Variants in GGCX observed in about 807,000 individuals in gnomAD.
GGCX encodes the protein vitamin K-dependent gamma-carboxylase.
Under a neutral mutation model 88.5 loss-of-function variants are expected in GGCX, and 63 were observed. The ratio of observed to expected loss-of-function variants is 0.71; its 90% CI spans 0.58 to 0.88. The LOEUF (loss-of-function observed/expected upper bound fraction) is 0.88. GGCX is among the 40% of genes least tolerant of loss of function. The pLI, the probability that GGCX is intolerant of heterozygous loss-of-function variation, is 0.00. For missense variants in GGCX, 805 were observed against 932.9 expected (o/e 0.86, Z 1.79); for synonymous variants, 368 against 365.8 (o/e 1.01, Z -0.07).
intron 7 of GGCX, chr2:85,553,843 C>T (rs1358232907): frequency 4.2e-6 from 2 of 473,620 alleles, no homozygotes; most frequent in Non-Finnish European, 7.7e-6. Context: ...TCAGGTGATC[C>T]ACCCACCTCG....
In GGCX at chr2:85,550,659, A is replaced by G; in HGVS notation, c.1980T>C (p.Leu660=). 6.2e-7 allele frequency: 1 copy of G among 1,613,978 alleles called. No homozygotes were observed. Among genetic ancestry groups the G allele is most frequent in the Non-Finnish European group, 8.5e-7 (1 of 1,179,842 alleles). The change falls in exon 14 of 15, where the codon CTT becomes CTC. Residue 660 remains leucine, a synonymous_variant. Transcript: ENST00000233838. ...PEPTPLVQTF[L]RRQQRLQEIE... ...TCTCCTGGAGCCTTTGTTGGCGTCT[A>G]AGAAAGGTCTGAACCAGAGGTGTTG...
rs1395355837 is a variant in GGCX at position 85,544,749 on chromosome 2, C to T, written c.*5185G>A. ...TTTAACTTTGTTTTATTTTCAAAAC[C>T]AGGTCCAATGAGCTTTCTGAACAGC... On this transcript the variant is annotated 3_prime_UTR_variant, in exon 15 of 15. Coordinates refer to ENST00000233838, the MANE Select transcript of GGCX (RefSeq NM_000821.7). The T allele has an allele frequency of 6.6e-6, 1 of 152,524 alleles. No individual in the cohort carries two copies. Among genetic ancestry groups the T allele is most frequent in the Non-Finnish European group, 1.5e-5 (1 of 68,028 alleles). 9.4% of individuals were successfully genotyped at this position (152,524 alleles called of 1,614,324 possible).
chr2:85,556,944 G>A (rs1480537153), intron 4 of GGCX, among the ~76,000 whole-genome samples: 2 of 152,156 alleles, frequency 1.3e-5, no homozygotes, highest in African/African-American at 4.8e-5. Flanking sequence ...TTCTTCACTC[G>A]TCAATAATAC....
intron 2 of GGCX, 100 bp downstream of exon 2, chr2:85,560,715 G>T: frequency 1.1e-6 from 1 of 928,142 alleles, no homozygotes; most frequent in African/African-American, 1.6e-5. Context: ...AATGTCTTCA[G>T]CTCTGAGGAA....
At chr2:85,556,295 T>C in intron 4 of GGCX, 35 bp from the exon 5 acceptor site, 3 of 1,303,516 alleles carry the variant, frequency 2.3e-6, no homozygotes, top group Non-Finnish European at 3.3e-6. Context: ...AGGGGGGAGC[T>C]GCTTAATGCA....
In GGCX at chr2:85,560,985, T is replaced by A; in HGVS notation, c.44A>T (p.Asp15Val). The A allele has an allele frequency of 6.2e-7, 1 of 1,612,286 alleles. No homozygotes were observed. Among genetic ancestry groups the A allele is most frequent in the Non-Finnish European group, 8.5e-7 (1 of 1,178,278 alleles). Residue 15 changes from aspartate to valine, a missense_variant and splice_region_variant, in exon 2 of 15, where the codon GAT becomes GTT. By Grantham distance (152) the Asp-to-Val change is radical. Coordinates refer to ENST00000233838, the MANE Select transcript of GGCX (RefSeq NM_000821.7). ...TTCAGCCTTGTCTTTCTGTACTTTA[T>A]CTGCAATCAATAAATGGAGAAAATA... ...AGSARTSPSS[D>V]KVQKDKAELI...
At position 85,547,830 on chromosome 2, in the gene GGCX, C is replaced by T. The variant is rs1014757087; in HGVS notation, c.*2104G>A. 2 of 152,230 alleles carry T rather than the reference C, an allele frequency of 1.3e-5. No homozygotes were observed. Among genetic ancestry groups the T allele is most frequent in the Non-Finnish European group, 2.9e-5 (2 of 68,062 alleles). 9.4% of individuals were successfully genotyped at this position (152,230 alleles called of 1,614,324 possible). A position where few individuals can be genotyped will look rare whatever the true frequency, so the allele number is the denominator to read the frequency against. On this transcript the variant is annotated 3_prime_UTR_variant, in exon 15 of 15. Coordinates refer to ENST00000233838, the MANE Select transcript of GGCX (RefSeq NM_000821.7). Reference sequence around the variant, plus strand: ...GGGTGGCAATCTGCTTGACAACTAACATGTCGGCCCTGTCCTGGTCTATCC... The same window carrying T: ...GGGTGGCAATCTGCTTGACAACTAATATGTCGGCCCTGTCCTGGTCTATCC...
intron 1 of GGCX, 77 bp from the exon 2 acceptor site, chr2:85,561,062 G>T: frequency 7.9e-7 from 1 of 1,258,898 alleles, no homozygotes; most frequent in Non-Finnish European, 1.2e-6. Flanking sequence ...TGCACCAACA[G>T]CTCAGAGCTT....
In GGCX at chr2:85,546,097, C is replaced by T. The variant is rs1691648519; in HGVS notation, c.*3837G>A. ...AGAGCCAAGGAGTGCTTGCTTATGC[C>T]TGTTTGCATGGAGACTTAAAAACTT... On this transcript the variant is annotated 3_prime_UTR_variant, in exon 15 of 15. Transcript: ENST00000233838. 1 of 152,284 alleles carries T rather than the reference C, an allele frequency of 6.6e-6. No individual in the cohort carries two copies. Among genetic ancestry groups the T allele is most frequent in the East Asian group, 1.9e-4 (1 of 5,186 alleles). 9.4% of individuals were successfully genotyped at this position (152,284 alleles called of 1,614,324 possible).
At chr2:85,559,576 G>T (rs1692346669) in intron 2 of GGCX, among the ~76,000 whole-genome samples, 1 of 152,126 alleles carries the variant, frequency 6.6e-6, no homozygotes, top group African/African-American at 2.4e-5. Context: ...TTAGCCAGGT[G>T]TGGTGGCGCA....
chr2:85,550,933 T>C lies in GGCX; in HGVS notation c.1880A>G (p.Asn627Ser), dbSNP rs1691917572. The change falls in exon 13 of 15, where the codon AAT becomes AGT. Residue 627 changes from asparagine to serine, a missense_variant. Around this residue, in one of 3 missense-constraint regions of GGCX, gnomAD observed 680 missense variants for 763.7 expected, o/e 0.89. Coordinates refer to ENST00000233838, the MANE Select transcript of GGCX (RefSeq NM_000821.7). ...YLQELKEKVENGSETGPLPPE... is the reference protein window; with the variant it reads ...YLQELKEKVESGSETGPLPPE... Reference sequence around the variant, plus strand: ...AATGTTCATACACTCACCACTTCCATTCTCCACCTTTTCCTTTAATTCTTG... The same window carrying C: ...AATGTTCATACACTCACCACTTCCACTCTCCACCTTTTCCTTTAATTCTTG... 2 of 1,614,160 alleles carry C rather than the reference T, an allele frequency of 1.2e-6. No individual in the cohort carries two copies. The highest frequency in any genetic ancestry group is 1.7e-6 in the Non-Finnish European group (2 of 1,179,990).
In GGCX at chr2:85,558,493, A is replaced by G; in HGVS notation, c.486T>C (p.Tyr162=). 1 of 1,613,588 alleles carries G rather than the reference A, an allele frequency of 6.2e-7. No individual in the cohort carries two copies. The highest frequency in any genetic ancestry group is 1.3e-5 in the African/African-American group (1 of 75,034). Residue 162 remains tyrosine, a synonymous_variant, in exon 4 of 15, where the codon TAT becomes TAC. Coordinates refer to ENST00000233838, the MANE Select transcript of GGCX (RefSeq NM_000821.7). The stretch of plus-strand genomic sequence containing the variant: ...GCTGAAAGGCCAACAACCCATACAG[A>G]TAGGAGTGGTTGTTCCATGATGTCT... The part of the protein sequence containing the change: ...LDKTSWNNHS[Y]LYGLLAFQLT...
At chr2:85,556,990 G>T (rs1302466518) in intron 4 of GGCX, among the ~76,000 whole-genome samples, 2 of 152,092 alleles carry the variant, frequency 1.3e-5, no homozygotes, top group East Asian at 3.8e-4. Context: ...AACAGGCCAG[G>T]CTCAGTAGTT....
chr2:85,558,410 C>G lies in GGCX; in HGVS notation c.539+30G>C. 3 of 1,600,578 alleles carry G rather than the reference C, an allele frequency of 1.9e-6. No homozygotes were observed. In the Admixed American group the frequency reaches 5.0e-5, roughly 27 times the overall value. On this transcript the variant is annotated intron_variant, in intron 4 of 14. Transcript: ENST00000233838. ...CTGATAACCATCCTGACCCAGCCAACCCCTCCCCTTTGTCCCCCCTGACTC... is the reference window on the plus strand; with the variant it reads ...CTGATAACCATCCTGACCCAGCCAAGCCCTCCCCTTTGTCCCCCCTGACTC...
Position 85,554,367 on chromosome 2 carries a change from C to T in GGCX, c.726-61G>A, listed in dbSNP as rs372744883. ...ACTGGAGAACACATCAAAGCACATTCACAGCACGAATGTGCCTTGGCTACT... is the reference window on the plus strand; with the variant it reads ...ACTGGAGAACACATCAAAGCACATTTACAGCACGAATGTGCCTTGGCTACT... On this transcript the variant is annotated intron_variant, in intron 6 of 14. Transcript: ENST00000233838. 140 of 1,508,284 alleles carry T rather than the reference C, an allele frequency of 9.3e-5. No individual in the cohort carries two copies. The African/African-American group carries it at 1.6e-3, about 17-fold the overall frequency. 93.4% of individuals were successfully genotyped at this position (1,508,284 alleles called of 1,614,324 possible). A position where few individuals can be genotyped will look rare whatever the true frequency, so the allele number is the denominator to read the frequency against.
At chr2:85,561,281 C>T in intron 1 of GGCX, 105 bp downstream of exon 1, 2 of 383,806 alleles carry the variant, frequency 5.2e-6, no homozygotes, top group Non-Finnish European at 8.8e-6. Context: ...CACAGAGGAC[C>T]CCCCCCCCGC....
At position 85,545,191 on chromosome 2, in the gene GGCX, G is replaced by T. The variant is rs1345531861; in HGVS notation, c.*4743C>A. On this transcript the variant is annotated 3_prime_UTR_variant, in exon 15 of 15. Coordinates refer to ENST00000233838, the MANE Select transcript of GGCX (RefSeq NM_000821.7). ...GCCCTAAGCAGAAAGTGCCTTTCAG[G>T]ATCTATTTTTGGAGGTTTATTACGT... The T allele has an allele frequency of 2.0e-5, 3 of 152,540 alleles. No individual in the cohort carries two copies. The highest frequency in any genetic ancestry group is 7.2e-5 in the African/African-American group (3 of 41,416). The allele number at this position is 152,540 out of a possible 1,614,324, so 9.4% of individuals were successfully genotyped here.
intron 14 of GGCX, 30 bp downstream of exon 14, chr2:85,550,525 T>C: frequency 6.5e-7 from 1 of 1,541,500 alleles, no homozygotes; most frequent in Non-Finnish European, 9.0e-7. Context: ...CAACATATGA[T>C]GGCAATGACA....
chr2:85,553,272 A>G lies in GGCX; in HGVS notation c.1115T>C (p.Leu372Pro). 6.2e-7 allele frequency: 1 copy of G among 1,614,280 alleles called. No homozygotes were observed. The highest frequency in any genetic ancestry group is 8.5e-7 in the Non-Finnish European group (1 of 1,180,050). Residue 372 changes from leucine to proline, a missense_variant, in exon 8 of 15, where the codon CTG (leucine) becomes CCG (proline). This residue lies in a region of GGCX where 680 missense variants were observed against 763.7 expected (regional missense o/e 0.89). Coordinates refer to ENST00000233838, the MANE Select transcript of GGCX (RefSeq NM_000821.7). ...AGAATAGGGCAGGAATAGCTGCTCCAGGAGGTAGAGCAGGGTGAAGGCAGC... is the reference window on the plus strand; with the variant it reads ...AGAATAGGGCAGGAATAGCTGCTCCGGGAGGTAGAGCAGGGTGAAGGCAGC... ...LGAAFTLLYL[L>P]EQLFLPYSHF... is the part of the protein sequence containing the mutation.
Sources: allele counts gnomAD v4.1 joint callset (sites outside exome capture counted in the v4.1 genomes callset), GRCh38; gene constraint gnomAD v4.1.1; regional missense constraint gnomAD v4.1.1; transcripts MANE v1.5; gene names NCBI Gene and HGNC (gene_info 2026-07-23, HGNC 2026-07-21).